The following LMNTD1 variants were observed in gnomAD, a reference collection of about 807,000 sequenced individuals.
LMNTD1 encodes lamin tail domain containing 1.
In LMNTD1, 35 loss-of-function variants were observed where a neutral mutation model predicts 50.9. The observed-to-expected ratio is 0.69, with a 90% CI of 0.53 to 0.91. The LOEUF (loss-of-function observed/expected upper bound fraction) is 0.91. Ranked by LOEUF, LMNTD1 falls within the 40% of genes least tolerant of loss-of-function variation. LMNTD1 has a pLI of 0.00. For synonymous variants in LMNTD1, 153 were observed against 161.9 expected (o/e 0.94, Z 0.42); for missense variants, 470 against 475.5 (o/e 0.99, Z 0.11).
chr12:25,562,439 C>A (rs560608531), intron 1 of LMNTD1, among the ~76,000 whole-genome samples: 2 of 152,250 alleles, frequency 1.3e-5, no homozygotes, highest in South Asian at 4.1e-4. Context: ...CAAATTCTTT[C>A]CTTTAAGAAT....
At chr12:25,529,375 TC>T in intron 4 of LMNTD1, among the ~76,000 whole-genome samples, 1 of 152,264 alleles carries the variant, frequency 6.6e-6, no homozygotes, top group East Asian at 1.9e-4. Flanking sequence ...GAGCTTCGGA[TC>T]CACAGAAACA....
At chr12:25,481,767 G>A (rs897256140) in intron 9 of LMNTD1, among the ~76,000 whole-genome samples, 19 of 150,846 alleles carry the variant, frequency 1.3e-4, no homozygotes, top group African/African-American at 4.4e-4. Context: ...GGCTGTGGCT[G>A]TAGAGAGATT....
intron 1 of LMNTD1, among the ~76,000 whole-genome samples, chr12:25,560,964 C>G (rs2136302238): frequency 6.6e-6 from 1 of 152,314 alleles, no homozygotes; most frequent in Non-Finnish European, 1.5e-5. Flanking sequence ...AATATACAAT[C>G]ATGTCATCTG....
At chr12:25,587,395 GC>G (rs2136453147) in intron 1 of LMNTD1, among the ~76,000 whole-genome samples, 1 of 152,378 alleles carries the variant, frequency 6.6e-6, no homozygotes, top group South Asian at 2.1e-4. Context: ...GCCTCAGGGA[GC>G]TTTTGCTCAC....
chr12:25,510,252 T>TC (rs1046434396), intron 8 of LMNTD1, among the ~76,000 whole-genome samples: 16 of 151,962 alleles, frequency 1.1e-4, no homozygotes, highest in Non-Finnish European at 2.2e-4. Context: ...TTTTTTTTTT[T>TC]TGTCAGAAAA....
chr12:25,630,932 T>A (rs10842589), intron 1 of LMNTD1, among the ~76,000 whole-genome samples: 23 of 152,000 alleles, frequency 1.5e-4, no homozygotes, highest in African/African-American at 4.8e-4. Context: ...TCTCGCCCAC[T>A]GGCCAGAAAC....
chr12:25,485,043 T>C (rs140451729), intron 9 of LMNTD1, among the ~76,000 whole-genome samples: 2,975 of 151,928 alleles, frequency 0.02, 66 homozygotes, highest in South Asian at 0.051. Context: ...CTGGGTCAAA[T>C]GGTATTTCTA....
chr12:25,596,424 T>G (rs1252467825), intron 1 of LMNTD1, among the ~76,000 whole-genome samples: 1 of 151,992 alleles, frequency 6.6e-6, no homozygotes, highest in Non-Finnish European at 1.5e-5. Context: ...ATTTAACATT[T>G]GCAAATCAAT....
chr12:25,617,049 A>G (rs1441272925), intron 1 of LMNTD1, among the ~76,000 whole-genome samples: 1 of 152,198 alleles, frequency 6.6e-6, no homozygotes, highest in Non-Finnish European at 1.5e-5. Flanking sequence ...TAAAATAAGG[A>G]CTAATTTATT....
intron 1 of LMNTD1, among the ~76,000 whole-genome samples, chr12:25,559,635 T>C (rs1316209121): frequency 6.6e-6 from 1 of 152,244 alleles, no homozygotes; most frequent in Non-Finnish European, 1.5e-5. Flanking sequence ...TCTTCCACAA[T>C]GGTTGAACTA....
chr12:25,561,713 G>A (rs538405830), intron 1 of LMNTD1, among the ~76,000 whole-genome samples: 24 of 152,212 alleles, frequency 1.6e-4, no homozygotes, highest in Non-Finnish European at 2.8e-4. Flanking sequence ...TTTCTGTCTC[G>A]TTGATCTGTC....
chr12:25,543,779 GT>G (rs1042131719), intron 4 of LMNTD1, among the ~76,000 whole-genome samples: 2 of 151,522 alleles, frequency 1.3e-5, no homozygotes, highest in Non-Finnish European at 3.0e-5. Flanking sequence ...ATTTTGGTAT[GT>G]TGTGTTTCCA....
At position 25,521,038 on chromosome 12, in the gene LMNTD1, C is replaced by T. The variant is rs527689194; in HGVS notation, c.799-963G>A. Among the ~76,000 whole-genome samples the T allele has an allele frequency of 3.7e-4, 57 of 152,200 alleles. No homozygotes were observed. In the South Asian group the frequency reaches 0.012, roughly 32 times the overall value. On this transcript the variant is annotated intron_variant, in intron 6 of 9. Transcript: ENST00000458174. ...AGAAATGTCTATTCAGGTCTTTTGC[C>T]TGTTTTCTAAATCAGGTTATTTGCT...
chr12:25,561,238 G>A (rs979498938), intron 1 of LMNTD1, among the ~76,000 whole-genome samples: 1 of 152,134 alleles, frequency 6.6e-6, no homozygotes, highest in African/African-American at 2.4e-5. Context: ...TGATGTTAGG[G>A]TGTCAATTTT....
At chr12:25,512,092 G>A (rs1463369047) in intron 8 of LMNTD1, among the ~76,000 whole-genome samples, 1 of 152,154 alleles carries the variant, frequency 6.6e-6, no homozygotes, top group Non-Finnish European at 1.5e-5. Context: ...AGAAGGTCAT[G>A]GCAAGTATTT....
At chr12:25,633,368 A>G (rs1946761452) in intron 1 of LMNTD1, among the ~76,000 whole-genome samples, 1 of 152,186 alleles carries the variant, frequency 6.6e-6, no homozygotes, top group Non-Finnish European at 1.5e-5. Context: ...CAACCGCAGA[A>G]CACACATTCT....
At chr12:25,575,806 T>G (rs772138132) in intron 1 of LMNTD1, among the ~76,000 whole-genome samples, 7 of 152,140 alleles carry the variant, frequency 4.6e-5, no homozygotes, top group Non-Finnish European at 7.4e-5. Context: ...GTCACTTCCA[T>G]TAGGTATATC....
At chr12:25,603,357 A>T (rs1356215262) in intron 1 of LMNTD1, among the ~76,000 whole-genome samples, 1 of 152,070 alleles carries the variant, frequency 6.6e-6, no homozygotes, top group Non-Finnish European at 1.5e-5. Flanking sequence ...CATTATTCAC[A>T]GGTGCAATCC....
intron 6 of LMNTD1, among the ~76,000 whole-genome samples, chr12:25,522,372 G>A (rs7312104): frequency 0.02 from 3,074 of 152,204 alleles, 79 homozygotes; most frequent in African/African-American, 0.058. Flanking sequence ...GAACTTGAGA[G>A]AATTTTCGAT....
Sources: allele counts gnomAD v4.1 joint callset (sites outside exome capture counted in the v4.1 genomes callset), GRCh38; gene constraint gnomAD v4.1.1; transcripts MANE v1.5; gene names NCBI Gene and HGNC (gene_info 2026-07-23, HGNC 2026-07-21).